Variants in RBFOX1 observed in about 807,000 individuals in gnomAD.
RBFOX1 encodes the protein RNA binding protein fox-1 homolog 1.
RBFOX1 carries 8 observed loss-of-function variants against 57.7 expected under a neutral mutation model. That is an observed-to-expected ratio of 0.14 (90% CI 0.08 to 0.25). The LOEUF is 0.25. Ranked by LOEUF, RBFOX1 falls within the 10% of genes least tolerant of loss-of-function variation. The probability of loss-of-function intolerance (pLI) is 1.00; values close to 1 mark genes in which losing one functional copy is unlikely to be tolerated. For missense variants in RBFOX1, 611 were observed against 548.5 expected, an observed-to-expected ratio of 1.11 and a Z score of -1.14; for synonymous variants, 326 against 222.4, an observed-to-expected ratio of 1.47 and a Z score of -4.15.
At chr16:5,601,619 T>G (rs1161671384), downstream of RBFOX1, 3 of 152,200 alleles carry the variant, frequency 2.0e-5, no homozygotes, top group Non-Finnish European at 4.4e-5. Context: ...TTGAAATAAC[T>G]ATGTCTTGCA....
At chr16:5,342,878 G>A (rs576760560) in intron 1 of RBFOX1, among the ~76,000 whole-genome samples, 1 of 152,300 alleles carries the variant, frequency 6.6e-6, no homozygotes, top group African/African-American at 2.4e-5. Context: ...GCAGAGCCAT[G>A]CAGTTTGTGG....
rs928665528 is a variant in RBFOX1 at position 6,198,764 on chromosome 16, C to G, written c.-126-118231C>G. Among the ~76,000 whole-genome samples the G allele has an allele frequency of 1.7e-4, 26 of 151,966 alleles. No homozygotes were observed. In the Middle Eastern group the frequency reaches 0.01, roughly 60 times the overall value. The stretch of plus-strand genomic sequence containing the variant: ...GCTGAAATATAGAATAATAATGAGT[C>G]TAGTATTAATATAGCCTGGCTTAAG... On this transcript the variant is annotated intron_variant, in intron 1 of 15. Transcript: ENST00000550418.
intron 4 of RBFOX1, among the ~76,000 whole-genome samples, chr16:7,199,970 C>A (rs535140723): frequency 6.6e-6 from 1 of 152,178 alleles, no homozygotes; most frequent in Admixed American, 6.5e-5. Flanking sequence ...TGTTGGGGAA[C>A]ACTTTTGTAA....
rs190635034 is a variant in RBFOX1 at position 6,995,936 on chromosome 16, C to T, written c.-15-56121C>T. Reference sequence around the variant, plus strand: ...AAAGCATATATAGGAAAAAACAACCCAGTTCCTTTGAGTCTGAAACTTTCT... The same window carrying T: ...AAAGCATATATAGGAAAAAACAACCTAGTTCCTTTGAGTCTGAAACTTTCT... On this transcript the variant is annotated intron_variant, in intron 3 of 15. Transcript: ENST00000550418. 7.9e-5 allele frequency among the ~76,000 whole-genome samples: 12 copies of T among 152,228 alleles called. 1 individual carries two copies. In the Middle Eastern group the frequency reaches 0.014, roughly 173 times the overall value.
At chr16:6,814,509 AT>A (rs1567368789) in intron 3 of RBFOX1, among the ~76,000 whole-genome samples, 1 of 152,190 alleles carries the variant, frequency 6.6e-6, no homozygotes, top group African/African-American at 2.4e-5. Context: ...GGAGACAGGC[AT>A]TGATCAAATT....
intron 1 of RBFOX1, among the ~76,000 whole-genome samples, chr16:5,313,997 G>C (rs1324599780): frequency 6.6e-6 from 1 of 152,178 alleles, no homozygotes; most frequent in Non-Finnish European, 1.5e-5. Flanking sequence ...ACATTCTCAA[G>C]AGGGGTCCAA....
intron 3 of RBFOX1, among the ~76,000 whole-genome samples, chr16:6,780,941 G>C (rs1453744009): frequency 6.6e-6 from 1 of 152,012 alleles, no homozygotes; most frequent in Non-Finnish European, 1.5e-5. Flanking sequence ...CCATTTTGTA[G>C]GTTGTCTTAT....
intron 4 of RBFOX1, among the ~76,000 whole-genome samples, chr16:7,401,377 T>C (rs1055513602): frequency 2.0e-5 from 3 of 152,246 alleles, no homozygotes; most frequent in South Asian, 2.1e-4. Flanking sequence ...TCCAGACTTT[T>C]CTCTGATAAA....
At chr16:6,545,958 G>T (rs12596904) in intron 2 of RBFOX1, among the ~76,000 whole-genome samples, 2 of 152,018 alleles carry the variant, frequency 1.3e-5, no homozygotes, top group Admixed American at 6.6e-5. Flanking sequence ...TCTAAAACAG[G>T]GATTTGCAAT....
intron 2 of RBFOX1, among the ~76,000 whole-genome samples, chr16:6,442,110 G>A (rs1597307140): frequency 6.6e-6 from 1 of 152,156 alleles, no homozygotes; most frequent in African/African-American, 2.4e-5. Context: ...CCGGGTGATA[G>A]AAAGGGTCAT....
chr16:5,321,578 A>C (rs989452505), intron 1 of RBFOX1, among the ~76,000 whole-genome samples: 1 of 152,052 alleles, frequency 6.6e-6, no homozygotes, highest in African/African-American at 2.4e-5. Flanking sequence ...TGTTGGCGCA[A>C]AGTGCTGGGA....
chr16:7,392,115 C>T (rs780222222), intron 4 of RBFOX1, among the ~76,000 whole-genome samples: 1 of 152,200 alleles, frequency 6.6e-6, no homozygotes, highest in African/African-American at 2.4e-5. Flanking sequence ...CCACTTCTCC[C>T]TTGCAGATTC....
chr16:5,362,746 C>T (rs1298469387), intron 1 of RBFOX1, among the ~76,000 whole-genome samples: 1 of 151,998 alleles, frequency 6.6e-6, no homozygotes, highest in Non-Finnish European at 1.5e-5. Flanking sequence ...TGCTCTGTTT[C>T]TGTGTGTTTG....
chr16:6,928,637 G>A (rs1165721527), intron 3 of RBFOX1, among the ~76,000 whole-genome samples: 3 of 152,114 alleles, frequency 2.0e-5, no homozygotes, highest in Admixed American at 1.3e-4. Context: ...TAGCAGCCTT[G>A]CATTCATGTG....
chr16:7,696,830 G>A (rs1318511080), intron 14 of RBFOX1, among the ~76,000 whole-genome samples: 1 of 152,128 alleles, frequency 6.6e-6, no homozygotes, highest in Non-Finnish European at 1.5e-5. Context: ...GGTAACATTT[G>A]AGCAGGGATC....
intron 4 of RBFOX1, among the ~76,000 whole-genome samples, chr16:7,092,817 C>G (rs1023626653): frequency 6.6e-6 from 1 of 152,176 alleles, no homozygotes; most frequent in Non-Finnish European, 1.5e-5. Flanking sequence ...ATTTTTTCTT[C>G]AAGTATTCTG....
chr16:6,685,587 CAA>C (rs2059334611), intron 3 of RBFOX1, among the ~76,000 whole-genome samples: 1 of 151,956 alleles, frequency 6.6e-6, no homozygotes, highest in African/African-American at 2.4e-5. Flanking sequence ...TGTGTCTGGC[CAA>C]GAGTTTCATT....
intron 4 of RBFOX1, among the ~76,000 whole-genome samples, chr16:7,400,209 C>T (rs891334860): frequency 6.6e-6 from 1 of 152,140 alleles, no homozygotes; most frequent in Non-Finnish European, 1.5e-5. Context: ...ATAAGAATCT[C>T]CTGGGGTTGT....
rs1269038495 is a variant in RBFOX1 at position 6,235,554 on chromosome 16, ATG to A, written c.-126-81439_-126-81438del. ...GAAACTGTGGTGTGTGTGTGCGTGT[ATG>A]TATGTGTGTGTGTGTGTGTGTGTGT... On this transcript the variant is annotated intron_variant, in intron 1 of 15. Coordinates refer to ENST00000550418, the MANE Select transcript of RBFOX1 (RefSeq NM_018723.4). 1.8e-4 allele frequency among the ~76,000 whole-genome samples: 14 copies of A among 78,296 alleles called. No homozygotes were observed. The East Asian group carries it at 5.2e-3, about 29-fold the overall frequency. 51.4% of individuals were successfully genotyped at this position (78,296 alleles called of 152,430 possible). A position where few individuals can be genotyped will look rare whatever the true frequency, so the allele number is the denominator to read the frequency against.
Sources: allele counts gnomAD v4.1 joint callset (sites outside exome capture counted in the v4.1 genomes callset), GRCh38; gene constraint gnomAD v4.1.1; transcripts MANE v1.5; gene names NCBI Gene and HGNC (gene_info 2026-07-23, HGNC 2026-07-21).